Variants in ESPN observed in about 807,000 individuals in gnomAD.
ESPN encodes espin, also known as autosomal recessive deafness type 36 protein.
In ESPN, 68 loss-of-function variants were observed where a neutral mutation model predicts 77.7. That is an observed-to-expected ratio of 0.87 (90% CI 0.72 to 1.07). The LOEUF is 1.07. ESPN is among the 50% of genes least tolerant of loss of function. The pLI is 0.00. For missense variants in ESPN, 1,060 were observed against 1,239.0 expected (o/e 0.86, Z 2.17); for synonymous variants, 449 against 567.1 (o/e 0.79, Z 2.96).
intron 7 of ESPN, among the ~76,000 whole-genome samples, chr1:6,446,665 G>A (rs1349269704): frequency 2.0e-5 from 3 of 152,160 alleles, no homozygotes; most frequent in Admixed American, 6.5e-5. Context: ...CGGGTATCCC[G>A]GGCAGGGTGC....
chr1:6,460,808 T>A lies in ESPN; in HGVS notation c.*662T>A. The A allele has an allele frequency of 4.8e-6, 1 of 210,480 alleles. No homozygotes were observed. The highest frequency in any genetic ancestry group is 5.4e-5 in the Admixed American group (1 of 18,536). The allele number at this position is 210,480 out of a possible 1,614,324, so 13.0% of individuals were successfully genotyped here. A position where few individuals can be genotyped will look rare whatever the true frequency, so the allele number is the denominator to read the frequency against. On this transcript the variant is annotated 3_prime_UTR_variant, in exon 13 of 13. Transcript: ENST00000645284. ...CCAGACCCACTCGCTGCCGGGACCC[T>A]TTCACTGCCCCGGTGGAGTGAATAG...
intron 1 of ESPN, among the ~76,000 whole-genome samples, chr1:6,425,877 C>T (rs1643015865): frequency 6.6e-6 from 1 of 152,226 alleles, no homozygotes; most frequent in Non-Finnish European, 1.5e-5. Flanking sequence ...TGCTGAGAAG[C>T]AGGTAGCCAG....
intron 12 of ESPN, among the ~76,000 whole-genome samples, chr1:6,458,528 C>G (rs1207486798): frequency 6.6e-6 from 1 of 151,072 alleles, no homozygotes; most frequent in Non-Finnish European, 1.5e-5. Flanking sequence ...GTTGGTCAGG[C>G]TGGTCTCGAA....
intron 5 of ESPN, among the ~76,000 whole-genome samples, chr1:6,444,172 C>T (rs1643743189): frequency 6.6e-6 from 1 of 152,196 alleles, no homozygotes; most frequent in African/African-American, 2.4e-5. Context: ...AGGCCGATCT[C>T]CTGGCATTTC....
chr1:6,439,713 C>T (rs557396836), intron 2 of ESPN, among the ~76,000 whole-genome samples: 1 of 152,062 alleles, frequency 6.6e-6, no homozygotes, highest in Non-Finnish European at 1.5e-5. Flanking sequence ...TTGTAGACCT[C>T]GGTTAAAAAG....
At chr1:6,452,147 C>T (rs1235882246) in intron 10 of ESPN, 51 bp downstream of exon 10, 4 of 1,486,126 alleles carry the variant, frequency 2.7e-6, no homozygotes, top group East Asian at 2.5e-5. Context: ...TCTGGATGCA[C>T]AGCCCATCCC....
At chr1:6,449,764 G>A (rs1296566038) in intron 8 of ESPN, among the ~76,000 whole-genome samples, 1 of 152,194 alleles carries the variant, frequency 6.6e-6, no homozygotes, top group Non-Finnish European at 1.5e-5. Context: ...CTAGACTGGT[G>A]CAGGATTCCT....
At chr1:6,454,123 A>T (rs1395530202) in intron 10 of ESPN, among the ~76,000 whole-genome samples, 1 of 152,154 alleles carries the variant, frequency 6.6e-6, no homozygotes, top group East Asian at 1.9e-4. Flanking sequence ...TGGGTGGTGT[A>T]ATGAGCGAAC....
Position 6,444,515 on chromosome 1 carries a change from C to T in ESPN, c.1025C>T (p.Ser342Phe), listed in dbSNP as rs199502924. The T allele has an allele frequency of 9.0e-5, 146 of 1,614,224 alleles. 1 individual carries two copies. The highest frequency in any genetic ancestry group is 3.8e-4 in the Admixed American group (23 of 60,030). Residue 342 changes from serine to phenylalanine, a missense_variant, in exon 6 of 13, where the codon TCC becomes TTC. This residue lies in a region of ESPN where 556 missense variants were observed against 633.6 expected (regional missense o/e 0.88). Coordinates refer to ENST00000645284, the MANE Select transcript of ESPN (RefSeq NM_031475.3). ...CACCGCGTGCTTTCCCGGGATCCAT[C>T]CGCAGAGCTGGAGGCTAAGCAGCCG... ...VEHRVLSRDP[S>F]AELEAKQPDS...
rs1363102171 is a variant in ESPN, at chr1:6,448,749, C to T, written c.1573C>T (p.Arg525Cys). ...STGDYYRQLG[R>C]CPGETLAARP... Reference sequence around the variant, plus strand: ...GGGGGACTACTACCGGCAGCTGGGCCGCTGCCCCGGCGAGACGCTGGCCGC... The same window carrying T: ...GGGGGACTACTACCGGCAGCTGGGCTGCTGCCCCGGCGAGACGCTGGCCGC... Residue 525 changes from arginine (R) to cysteine (C), a missense_variant, in exon 8 of 13, where the codon CGC becomes TGC. Physicochemically the swap from Arg to Cys is radical, Grantham distance 180. Coordinates refer to ENST00000645284, the MANE Select transcript of ESPN (RefSeq NM_031475.3). 4.8e-5 allele frequency: 71 copies of T among 1,467,136 alleles called. No homozygotes were observed. The highest frequency in any genetic ancestry group is 9.6e-5 in the Admixed American group (4 of 41,732). The allele number at this position is 1,467,136 out of a possible 1,614,324, so 90.9% of individuals were successfully genotyped here. A position where few individuals can be genotyped will look rare whatever the true frequency, so the allele number is the denominator to read the frequency against.
chr1:6,445,583 T>C (rs1406982338), intron 6 of ESPN, 81 bp from the exon 7 acceptor site: 17 of 1,514,638 alleles, frequency 1.1e-5, no homozygotes, highest in Non-Finnish European at 1.5e-5. Flanking sequence ...GCAAGTTGTT[T>C]CCAGGTGGTG....
rs543191184 is a variant in ESPN at position 6,451,307 on chromosome 1, G to A, written c.1916-296G>A. The A allele has an allele frequency of 8.1e-5, 40 of 494,548 alleles. No individual in the cohort carries two copies. Among genetic ancestry groups the A allele is most frequent in the African/African-American group, 2.3e-4 (12 of 51,544 alleles). 30.6% of individuals were successfully genotyped at this position (494,548 alleles called of 1,614,324 possible). ...GGAGCTGGGCAGTCAGTGGCTGGGC[G>A]GGGACATATGCCCAAGAGCCACCAT... On this transcript the variant is annotated intron_variant, in intron 8 of 12. Transcript: ENST00000645284. This position sits in a 1 kb window ranked among gnomAD's most constrained non-coding sequence, Gnocchi z 4.3.
Position 6,460,748 on chromosome 1 carries a change from G to GC in ESPN, c.*606dup, listed in dbSNP as rs938307365. On this transcript the variant is annotated 3_prime_UTR_variant, in exon 13 of 13. Coordinates refer to ENST00000645284, the MANE Select transcript of ESPN (RefSeq NM_031475.3). ...TGTGGCCCCCGGGACCCCACCTCTG[G>GC]CCCCACCTCCCTCAAGTCTGCGCCC... 1 of 180,284 alleles carries GC rather than the reference G, an allele frequency of 5.5e-6. No homozygotes were observed. Among genetic ancestry groups the GC allele is most frequent in the Non-Finnish European group, 1.2e-5 (1 of 84,980 alleles). The allele number at this position is 180,284 out of a possible 1,614,324, so 11.2% of individuals were successfully genotyped here. A position where few individuals can be genotyped will look rare whatever the true frequency, so the allele number is the denominator to read the frequency against.
Position 6,451,331 on chromosome 1 carries a change from A to G in ESPN, c.1916-272A>G, listed in dbSNP as rs1177369206. 1 of 540,726 alleles carries G rather than the reference A, an allele frequency of 1.8e-6. No homozygotes were observed. Among genetic ancestry groups the G allele is most frequent in the Admixed American group, 3.1e-5 (1 of 31,756 alleles). 33.5% of individuals were successfully genotyped at this position (540,726 alleles called of 1,614,324 possible). A position where few individuals can be genotyped will look rare whatever the true frequency, so the allele number is the denominator to read the frequency against. On this transcript the variant is annotated intron_variant, in intron 8 of 12. Transcript: ENST00000645284. This position sits in a 1 kb window ranked among gnomAD's most constrained non-coding sequence, Gnocchi z 4.3. ...CGGGGACATATGCCCAAGAGCCACC[A>G]TGAACTCCCAGGGGCCTCCAGGCAG...
intron 4 of ESPN, 25 bp downstream of exon 4, chr1:6,440,833 C>T (rs1321418741): frequency 6.2e-6 from 9 of 1,452,644 alleles, no homozygotes; most frequent in South Asian, 5.6e-5. Flanking sequence ...GGGGTGGGGG[C>T]GCGCGCCCTC....
intron 12 of ESPN, among the ~76,000 whole-genome samples, chr1:6,457,693 T>G (rs1206361078): frequency 6.6e-6 from 1 of 152,096 alleles, no homozygotes; most frequent in African/African-American, 2.4e-5. Context: ...TGCTGGCCAA[T>G]AGAAATGTAA....
chr1:6,441,037 C>G lies in ESPN; in HGVS notation c.962C>G (p.Thr321Ser), dbSNP rs1338208958. The change falls in exon 5 of 13, where the codon ACC becomes AGC. Residue 321 changes from threonine to serine, a missense_variant. Coordinates refer to ENST00000645284, the MANE Select transcript of ESPN (RefSeq NM_031475.3). ...LSDFNGHSHC[T>S]RYLRTVENLS... The stretch of plus-strand genomic sequence containing the variant: ...GACTTCAACGGCCACAGCCACTGCA[C>G]CCGCTACCTGCGCACGGTGGAGAAC... 6 of 1,611,612 alleles carry G rather than the reference C, an allele frequency of 3.7e-6. No individual in the cohort carries two copies. The highest frequency in any genetic ancestry group is 2.5e-6 in the Non-Finnish European group (3 of 1,179,660).
chr1:6,443,593 G>A (rs1041247930), intron 5 of ESPN, among the ~76,000 whole-genome samples: 6 of 152,234 alleles, frequency 3.9e-5, no homozygotes, highest in Non-Finnish European at 5.9e-5. Context: ...CCTCACCCAA[G>A]CAGGCCCAGC....
chr1:6,435,107 C>T (rs1279810435), intron 2 of ESPN, among the ~76,000 whole-genome samples: 1 of 152,132 alleles, frequency 6.6e-6, no homozygotes, highest in Non-Finnish European at 1.5e-5. Context: ...CATTTCTTCC[C>T]TGGGCCAGGC....
Sources: allele counts gnomAD v4.1 joint callset (sites outside exome capture counted in the v4.1 genomes callset), GRCh38; gene constraint gnomAD v4.1.1; regional missense constraint gnomAD v4.1.1; non-coding constraint Gnocchi (gnomAD v3.1); transcripts MANE v1.5; gene names NCBI Gene and HGNC (gene_info 2026-07-23, HGNC 2026-07-21).